Variants in FAM120C observed in about 807,000 individuals in gnomAD.
FAM120C encodes the protein family with sequence similarity 120 member C, also known as constitutive coactivator of PPAR-gamma-like protein 2.
FAM120C carries 14 observed loss-of-function variants against 71.2 expected under a neutral mutation model. That is an observed-to-expected ratio of 0.20 (90% CI 0.13 to 0.31). The LOEUF is 0.31. Among genes scored for constraint, FAM120C ranks in the 10% least tolerant of loss-of-function variants. The pLI, the probability that FAM120C is intolerant of heterozygous loss-of-function variation, is 1.00. For synonymous variants in FAM120C, 354 were observed against 353.2 expected (o/e 1.00, Z -0.03); for missense variants, 500 against 879.0 (o/e 0.57, Z 5.45).
At chrX:54,146,109 A>G (rs1389579427) in intron 4 of FAM120C, among the ~76,000 whole-genome samples, 3 of 109,430 alleles carry the variant, frequency 2.7e-5, no homozygotes, top group Non-Finnish European at 5.7e-5. Context: ...TTGAACAATG[A>G]GAACACTTGG....
chrX:54,151,402 T>C lies in FAM120C; in HGVS notation c.1030-29A>G, dbSNP rs782266408. On this transcript the variant is annotated intron_variant, in intron 3 of 15. Transcript: ENST00000375180. The stretch of plus-strand genomic sequence containing the variant: ...GAAAGGCAAGATAAGCAAGGGACAC[T>C]GACATCAAAGATGGATCACTAAGAA... 3.9e-5 allele frequency: 46 copies of C among 1,194,147 alleles called. No homozygotes were observed. In the South Asian group the frequency reaches 6.9e-4, roughly 18 times the overall value.
intron 10 of FAM120C, among the ~76,000 whole-genome samples, chrX:54,105,390 G>C (rs1341882861): frequency 9.0e-6 from 1 of 111,013 alleles, no homozygotes; most frequent in Non-Finnish European, 1.9e-5. Flanking sequence ...AATAAACTAG[G>C]TATTGATGGA....
At chrX:54,160,343 G>A (rs2067230053) in intron 1 of FAM120C, among the ~76,000 whole-genome samples, 1 of 111,103 alleles carries the variant, frequency 9.0e-6, no homozygotes, top group South Asian at 3.8e-4. Flanking sequence ...CCAACAGTGA[G>A]AAGTCAGAAA....
intron 4 of FAM120C, among the ~76,000 whole-genome samples, chrX:54,149,876 T>C (rs2067176304): frequency 8.9e-6 from 1 of 112,230 alleles, no homozygotes; most frequent in Non-Finnish European, 1.9e-5. Context: ...TGTATGTTAA[T>C]TTTAAAAATA....
chrX:54,138,909 TAAG>T (rs1372095254), intron 4 of FAM120C, among the ~76,000 whole-genome samples: 10 of 111,966 alleles, frequency 8.9e-5, no homozygotes, highest in African/African-American at 2.9e-4. Flanking sequence ...GGGAAAGGGC[TAAG>T]AAGGGGCTTT....
chrX:54,134,132 G>A, intron 7 of FAM120C, 86 bp from the exon 8 acceptor site: 2 of 984,653 alleles, frequency 2.0e-6, no homozygotes, highest in South Asian at 2.3e-5. Flanking sequence ...TGGACCCAAG[G>A]GGTCTCACAA....
chrX:54,096,310 C>T (rs1260172090), intron 10 of FAM120C, among the ~76,000 whole-genome samples: 3 of 111,092 alleles, frequency 2.7e-5, no homozygotes, highest in African/African-American at 9.8e-5. Flanking sequence ...AGTCAAGAGG[C>T]TGAGGTGGGA....
At chrX:54,081,576 C>T in intron 13 of FAM120C, 116 bp from the exon 14 acceptor site, 2 of 761,796 alleles carry the variant, frequency 2.6e-6, no homozygotes, top group Non-Finnish European at 3.7e-6. Context: ...GTTCCAGAGC[C>T]AGCCTAGCCA....
chrX:54,069,736 G>C lies in FAM120C; in HGVS notation c.*3297C>G, dbSNP rs1185970941. The stretch of plus-strand genomic sequence containing the variant: ...AGCCAAAGCGAGTACCAATTCTTGG[G>C]CTTTAAAGTCTACCCAAAGTCCTAC... On this transcript the variant is annotated 3_prime_UTR_variant, in exon 16 of 16. Transcript: ENST00000375180. 26 of 111,871 alleles carry C rather than the reference G, an allele frequency of 2.3e-4. No homozygotes were observed. The Admixed American group carries it at 2.5e-3, about 11-fold the overall frequency. The allele number at this position is 111,871 out of a possible 1,213,427, so 9.2% of individuals were successfully genotyped here.
At chrX:54,149,745 G>A in intron 4 of FAM120C, among the ~76,000 whole-genome samples, 1 of 111,491 alleles carries the variant, frequency 9.0e-6, no homozygotes, top group South Asian at 3.7e-4. Context: ...TTAAAGGTAG[G>A]TTTGGGTGTT....
intron 15 of FAM120C, among the ~76,000 whole-genome samples, chrX:54,074,747 T>C (rs1175436091): frequency 8.9e-6 from 1 of 112,646 alleles, no homozygotes; most frequent in East Asian, 2.8e-4. Context: ...TTTTTGTAAA[T>C]CCCAGGAATA....
At chrX:54,152,278 C>T (rs2067187982) in intron 3 of FAM120C, among the ~76,000 whole-genome samples, 1 of 111,629 alleles carries the variant, frequency 9.0e-6, no homozygotes, top group Non-Finnish European at 1.9e-5. Context: ...CTTGCTCTGT[C>T]GCCCAGGCTG....
Position 54,174,137 on chromosome X carries a change from T to C in FAM120C, c.699+8363A>G, listed in dbSNP as rs985794269. 37 of 512,113 alleles carry C rather than the reference T, an allele frequency of 7.2e-5. No homozygotes were observed. Among genetic ancestry groups the C allele is most frequent in the Middle Eastern group, 9.0e-4 (2 of 2,215 alleles). The allele number at this position is 512,113 out of a possible 1,213,427, so 42.2% of individuals were successfully genotyped here. On this transcript the variant is annotated intron_variant, in intron 1 of 15. Coordinates refer to ENST00000375180, the MANE Select transcript of FAM120C (RefSeq NM_017848.6). ...CCTCTCCATAGGGCAGCTCACAACATGGCAGCTTGCTTCATCAGAGTGATC... is the reference window on the plus strand; with the variant it reads ...CCTCTCCATAGGGCAGCTCACAACACGGCAGCTTGCTTCATCAGAGTGATC...
intron 12 of FAM120C, among the ~76,000 whole-genome samples, chrX:54,086,231 T>C (rs1184305035): frequency 8.9e-6 from 1 of 111,733 alleles, no homozygotes; most frequent in Non-Finnish European, 1.9e-5. Flanking sequence ...GGCATTGGGC[T>C]GGGTCACTTT....
At chrX:54,105,494 A>G (rs781868212) in intron 10 of FAM120C, among the ~76,000 whole-genome samples, 215 of 112,024 alleles carry the variant, frequency 1.9e-3, no homozygotes, top group African/African-American at 6.3e-3. Flanking sequence ...TTTGAAAACC[A>G]GCACAAGACA....
chrX:54,129,846 G>C (rs1158056396), intron 9 of FAM120C, among the ~76,000 whole-genome samples: 2 of 111,283 alleles, frequency 1.8e-5, no homozygotes, highest in Admixed American at 9.5e-5. Flanking sequence ...AGCGAAACCC[G>C]GTCTCCACCA....
At chrX:54,128,248 C>T (rs2067038859) in intron 9 of FAM120C, among the ~76,000 whole-genome samples, 2 of 110,192 alleles carry the variant, frequency 1.8e-5, no homozygotes, top group Non-Finnish European at 3.8e-5. Context: ...TTAGTAGAGA[C>T]GGGTTTCGTC....
At chrX:54,140,939 CA>C (rs781968438) in intron 4 of FAM120C, among the ~76,000 whole-genome samples, 1,145 of 39,146 alleles carry the variant, frequency 0.029, 5 homozygotes, top group African/African-American at 0.039. Flanking sequence ...GACTCCGTCT[CA>C]AAAAAAAAAA....
intron 4 of FAM120C, among the ~76,000 whole-genome samples, chrX:54,150,835 G>A (rs2067181182): frequency 9.1e-6 from 1 of 110,045 alleles, no homozygotes; most frequent in Non-Finnish European, 1.9e-5. Context: ...TGCAACCTCC[G>A]CCTCCTGGGT....
Sources: allele counts gnomAD v4.1 joint callset (sites outside exome capture counted in the v4.1 genomes callset), GRCh38; gene constraint gnomAD v4.1.1; transcripts MANE v1.5; gene names NCBI Gene and HGNC (gene_info 2026-07-23, HGNC 2026-07-21).